The following PMF1 variants were observed in gnomAD, a reference collection of about 807,000 sequenced individuals.
The protein encoded by PMF1 is polyamine modulated factor 1.
A neutral mutation model predicts 26.7 loss-of-function variants in PMF1; 21 were observed. The ratio of observed to expected loss-of-function variants is 0.79; its 90% CI spans 0.56 to 1.13. The LOEUF (loss-of-function observed/expected upper bound fraction) is 1.13, where lower values mean the gene tolerates loss of function less well. Ranked by LOEUF, PMF1 falls within the 50% of genes most tolerant of loss-of-function variation. The pLI is 0.00. For missense variants in PMF1, 266 were observed against 254.9 expected, an observed-to-expected ratio of 1.04 and a Z score of -0.30; for synonymous variants, 105 against 101.0, an observed-to-expected ratio of 1.04 and a Z score of -0.24.
chr1:156,238,530 T>C (rs756404377), intron 4 of PMF1, among the ~76,000 whole-genome samples: 1 of 152,202 alleles, frequency 6.6e-6, no homozygotes, highest in African/African-American at 2.4e-5. Flanking sequence ...CTAGTAGGGC[T>C]CAAGTGGCGG....
intron 4 of PMF1, 92 bp from the exon 5 acceptor site, chr1:156,239,456 G>C: frequency 1.0e-6 from 1 of 998,154 alleles, no homozygotes; most frequent in Admixed American, 1.8e-5. Context: ...TTGTCCTGGG[G>C]GAAACCCCAG....
rs533580087 is a variant in PMF1, at chr1:156,213,799, CA to C, written c.161+624del. ...AAGGCGCCTAGGACAGGACCTGACA[CA>C]TAGAAAGATTTGTTAGCTATTATGA... is the stretch of plus-strand genomic sequence containing the variant. On this transcript the variant is annotated intron_variant, in intron 1 of 4. Transcript: ENST00000368277. Among the ~76,000 whole-genome samples, 326 of 152,330 alleles carry C rather than the reference CA, an allele frequency of 2.1e-3. 2 individuals carry two copies. Among genetic ancestry groups the C allele is most frequent in the South Asian group, 0.015 (74 of 4,830 alleles).
At position 156,239,598 on chromosome 1, in the gene PMF1, G is replaced by C. The variant is rs765849095; in HGVS notation, c.615G>C (p.Glu205Asp). ...RELVAVLREP[E>D] is the part of the protein sequence containing the mutation. ...TGGTTGCTGTGCTGAGGGAGCCTGA[G>C]TGAGGAGACCGCCAGCCCCAGAAGC... Residue 205 changes from glutamate (E) to aspartate (D), a missense_variant, in exon 5 of 5, where the codon GAG becomes GAC. Transcript: ENST00000368277. 6.2e-7 allele frequency: 1 copy of C among 1,612,272 alleles called. No homozygotes were observed. Among genetic ancestry groups the C allele is most frequent in the Non-Finnish European group, 8.5e-7 (1 of 1,179,688 alleles).
rs532329234 is a variant in PMF1 at position 156,232,418 on chromosome 1, C to T, written c.260C>T (p.Ser87Phe). 6.2e-7 allele frequency: 1 copy of T among 1,613,920 alleles called. No individual in the cohort carries two copies. The highest frequency in any genetic ancestry group is 1.3e-5 in the African/African-American group (1 of 75,048). ...YDKFIAQLQT[S>F]IREEISDIKE... ...AAGTTTATAGCTCAGTTGCAGACATCTATCCGGGTGAGTGGCGGGAAGCCT... is the reference window on the plus strand; with the variant it reads ...AAGTTTATAGCTCAGTTGCAGACATTTATCCGGGTGAGTGGCGGGAAGCCT... Residue 87 changes from serine to phenylalanine, a missense_variant, in exon 2 of 5, where the codon TCT becomes TTT. Coordinates refer to ENST00000368277, the MANE Select transcript of PMF1 (RefSeq NM_007221.4).
intron 1 of PMF1, among the ~76,000 whole-genome samples, chr1:156,229,403 A>G (rs1453654141): frequency 6.6e-6 from 1 of 150,800 alleles, no homozygotes; most frequent in African/African-American, 2.4e-5. Context: ...CTAAGCTACC[A>G]ACATGGCATC....
At chr1:156,229,816 A>G (rs1431906475) in intron 1 of PMF1, among the ~76,000 whole-genome samples, 1 of 151,982 alleles carries the variant, frequency 6.6e-6, no homozygotes, top group African/African-American at 2.4e-5. Context: ...CAGGTGATCC[A>G]CCGGTCTCTG....
chr1:156,236,558 C>A, intron 4 of PMF1, 75 bp downstream of exon 4: 1 of 1,506,760 alleles, frequency 6.6e-7, no homozygotes, highest in Non-Finnish European at 8.9e-7. Context: ...GTGGCTTCCT[C>A]CATTCCAACA....
chr1:156,213,146 CT>C lies in PMF1; in HGVS notation c.135del (p.Leu46PhefsTer27), dbSNP rs772185695. 6.2e-7 allele frequency: 1 copy of C among 1,614,058 alleles called. No individual in the cohort carries two copies. Among genetic ancestry groups the C allele is most frequent in the Non-Finnish European group, 8.5e-7 (1 of 1,179,890 alleles). Reference protein sequence around the residue: ...RVKLLDTMVDTFLQKLVAAGS... With the variant: ...RVKLLDTMVDXFLQKLVAAGS... Reference sequence around the variant, plus strand: ...AAGCTCCTCGACACCATGGTGGACACTTTTCTTCAGAAGCTGGTCGCCGCCG... The same window carrying C: ...AAGCTCCTCGACACCATGGTGGACACTTTCTTCAGAAGCTGGTCGCCGCCG... On this transcript the variant is annotated frameshift_variant, in exon 1 of 5. Coordinates refer to ENST00000368277, the MANE Select transcript of PMF1 (RefSeq NM_007221.4). LOFTEE classifies it high-confidence loss of function.
At chr1:156,225,733 T>C (rs1016014240) in intron 1 of PMF1, 7 of 762,458 alleles carry the variant, frequency 9.2e-6, no homozygotes, top group Middle Eastern at 2.4e-4. Flanking sequence ...TGTTACCCTC[T>C]TTTATCTTTC....
chr1:156,218,225 GT>G (rs1291259883), intron 1 of PMF1, among the ~76,000 whole-genome samples: 1 of 152,148 alleles, frequency 6.6e-6, no homozygotes, highest in Non-Finnish European at 1.5e-5. Flanking sequence ...TTAAAAATGG[GT>G]TTTTTATCTT....
chr1:156,227,101 C>A (rs1287353711), intron 1 of PMF1, among the ~76,000 whole-genome samples: 4 of 152,224 alleles, frequency 2.6e-5, no homozygotes, highest in African/African-American at 7.2e-5. Context: ...TGGTTGTGGG[C>A]ACCCTGGAGA....
At chr1:156,214,136 G>A (rs1365098926) in intron 1 of PMF1, among the ~76,000 whole-genome samples, 1 of 151,948 alleles carries the variant, frequency 6.6e-6, no homozygotes, top group Admixed American at 6.6e-5. Context: ...GGCTGGTCTG[G>A]AACTCCTGAC....
chr1:156,228,479 C>T (rs931037913), intron 1 of PMF1, among the ~76,000 whole-genome samples: 5 of 151,868 alleles, frequency 3.3e-5, no homozygotes, highest in Admixed American at 6.6e-5. Flanking sequence ...TATATTTCAT[C>T]TTGTGTCTGT....
At chr1:156,230,385 C>T (rs1205872923) in intron 1 of PMF1, among the ~76,000 whole-genome samples, 1 of 152,250 alleles carries the variant, frequency 6.6e-6, no homozygotes, top group Non-Finnish European at 1.5e-5. Flanking sequence ...TTTTAAACCA[C>T]TCTCTACAAG....
intron 1 of PMF1, among the ~76,000 whole-genome samples, chr1:156,224,187 C>G (rs776199695): frequency 2.0e-5 from 3 of 152,132 alleles, no homozygotes; most frequent in Non-Finnish European, 4.4e-5. Context: ...TTAATTGACA[C>G]ATTGTAATTG....
chr1:156,218,636 G>C (rs1323170059), intron 1 of PMF1, among the ~76,000 whole-genome samples: 4 of 151,936 alleles, frequency 2.6e-5, no homozygotes, highest in Non-Finnish European at 5.9e-5. Context: ...AAAAAAATTA[G>C]CCAGGCATGG....
intron 1 of PMF1, among the ~76,000 whole-genome samples, chr1:156,226,457 G>A (rs1658376375): frequency 6.6e-6 from 1 of 152,212 alleles, no homozygotes; most frequent in South Asian, 2.1e-4. Flanking sequence ...TTCTGCATGT[G>A]CAATTGCACA....
rs1659247580 is a variant in PMF1, at chr1:156,239,863, TAGGTTCAGGTCA to T, written c.*263_*274del. The T allele has an allele frequency of 1.1e-5, 5 of 467,492 alleles. No homozygotes were observed. Among genetic ancestry groups the T allele is most frequent in the South Asian group, 9.7e-5 (3 of 30,774 alleles). The allele number at this position is 467,492 out of a possible 1,614,324, so 29.0% of individuals were successfully genotyped here. ...ATTCTTGGCCATGTTCTCTCTTCTC[TAGGTTCAGGTCA>T]GCTCTGCCCCTCCGCCCCCCTCCTG... is the stretch of plus-strand genomic sequence containing the variant. On this transcript the variant is annotated 3_prime_UTR_variant, in exon 5 of 5. Transcript: ENST00000368277.
chr1:156,230,060 T>A (rs1658608221), intron 1 of PMF1, among the ~76,000 whole-genome samples: 1 of 152,098 alleles, frequency 6.6e-6, no homozygotes, highest in Admixed American at 6.5e-5. Context: ...TGGGGGCGGG[T>A]TTCGTGAGGA....
Sources: allele counts gnomAD v4.1 joint callset (sites outside exome capture counted in the v4.1 genomes callset), GRCh38; gene constraint gnomAD v4.1.1; transcripts MANE v1.5; gene names NCBI Gene and HGNC (gene_info 2026-07-23, HGNC 2026-07-21).